Variants in TMED2 observed in about 807,000 individuals in gnomAD.
The protein encoded by TMED2 is transmembrane emp24 domain-containing protein 2.
Under a neutral mutation model 17.5 loss-of-function variants are expected in TMED2, and 3 were observed. The ratio of observed to expected loss-of-function variants is 0.17; its 90% confidence interval spans 0.08 to 0.44. TMED2 has a LOEUF of 0.44. Ranked by LOEUF, TMED2 falls within the 20% of genes least tolerant of loss-of-function variation. The pLI is 0.99. For synonymous variants in TMED2, 95 were observed against 91.0 expected, an observed-to-expected ratio of 1.04 and a Z score of -0.25; for missense variants, 149 against 254.8, an observed-to-expected ratio of 0.58 and a Z score of 2.83.
At position 123,596,608 on chromosome 12, in the gene TMED2, A is replaced by G. The variant is rs768053722; in HGVS notation, c.485A>G (p.Asn162Ser). ...EVRERIHRAI[N>S]DNTNSRVVLW... ...TTGTTTGTTTTGTCCTCAACAGTCA[A>G]CGACAACACAAACAGCAGAGTGGTC... Residue 162 changes from asparagine (N) to serine (S), a missense_variant, in exon 4 of 4, where the codon AAC becomes AGC. Transcript: ENST00000262225. The G allele has an allele frequency of 2.5e-6, 4 of 1,601,756 alleles. No homozygotes were observed. Among genetic ancestry groups the G allele is most frequent in the South Asian group, 2.3e-5 (2 of 88,242 alleles).
chr12:123,593,822 G>A (rs1257842783), intron 3 of TMED2, among the ~76,000 whole-genome samples: 2 of 151,996 alleles, frequency 1.3e-5, no homozygotes, highest in Non-Finnish European at 2.9e-5. Flanking sequence ...GAGACACAGG[G>A]TCTTACTCTG....
intron 1 of TMED2, chr12:123,585,559 CA>C (rs1185605837): frequency 6.6e-6 from 1 of 152,178 alleles, no homozygotes; most frequent in Non-Finnish European, 1.5e-5. Context: ...CACCTGCTAG[CA>C]TGATTAATTG....
chr12:123,590,943 A>G (rs1953387844), intron 3 of TMED2, among the ~76,000 whole-genome samples: 1 of 151,602 alleles, frequency 6.6e-6, no homozygotes, highest in South Asian at 2.1e-4. Flanking sequence ...AGATTGGGCC[A>G]CTGCACTCCA....
chr12:123,592,981 G>A (rs945408093), intron 3 of TMED2, among the ~76,000 whole-genome samples: 1 of 151,998 alleles, frequency 6.6e-6, no homozygotes, highest in Admixed American at 6.6e-5. Flanking sequence ...TGAGGCAGGC[G>A]AATAACGAGG....
At chr12:123,590,959 GGCAATGGA>G (rs1953388026) in intron 3 of TMED2, among the ~76,000 whole-genome samples, 1 of 151,704 alleles carries the variant, frequency 6.6e-6, no homozygotes, top group African/African-American at 2.4e-5. Flanking sequence ...CTCCAGCCTG[GGCAATGGA>G]GCTAGACTCT....
At chr12:123,588,855 A>G (rs1340414373) in intron 2 of TMED2, among the ~76,000 whole-genome samples, 1 of 152,188 alleles carries the variant, frequency 6.6e-6, no homozygotes, top group Admixed American at 6.5e-5. Context: ...ACCCTGCTCT[A>G]TCAGTTCCAT....
intron 3 of TMED2, 69 bp from the exon 4 acceptor site, chr12:123,596,536 T>G: frequency 6.5e-7 from 1 of 1,537,376 alleles, no homozygotes; most frequent in Admixed American, 2.1e-5. Context: ...AAGACTAAAA[T>G]ATTTATGATG....
intron 3 of TMED2, among the ~76,000 whole-genome samples, chr12:123,592,769 A>G (rs182733504): frequency 2.0e-5 from 3 of 152,332 alleles, no homozygotes. Flanking sequence ...AGGTCACTAC[A>G]TTCTGATGTT....
chr12:123,586,709 C>T, intron 1 of TMED2, 38 bp from the exon 2 acceptor site: 1 of 1,546,414 alleles, frequency 6.5e-7, no homozygotes, highest in Non-Finnish European at 8.7e-7. Context: ...ATGACTTAAT[C>T]TTTTGTGACA....
chr12:123,590,872 T>G (rs1953387466), intron 3 of TMED2, among the ~76,000 whole-genome samples: 1 of 151,492 alleles, frequency 6.6e-6, no homozygotes, highest in Non-Finnish European at 1.5e-5. Context: ...TAGTCCCAGC[T>G]ACTCGGGAGG....
rs150846771 is a variant in TMED2, at chr12:123,595,462, C to T, written c.482-1143C>T. On this transcript the variant is annotated intron_variant, in intron 3 of 3. Transcript: ENST00000262225. ...AACAATTGACAAGTACACAGGTGCT[C>T]AACAAATATTTGTAACATATTTGGG... is the stretch of plus-strand genomic sequence containing the variant. 1.8e-3 allele frequency among the ~76,000 whole-genome samples: 271 copies of T among 152,180 alleles called. 1 individual carries two copies. Among genetic ancestry groups the T allele is most frequent in the African/African-American group, 6.3e-3 (263 of 41,510 alleles).
chr12:123,589,988 A>G (rs1370993237), intron 2 of TMED2, among the ~76,000 whole-genome samples: 1 of 151,504 alleles, frequency 6.6e-6, no homozygotes, highest in African/African-American at 2.4e-5. Context: ...CTGTCTTGAA[A>G]AAAAAAAAAG....
intron 2 of TMED2, among the ~76,000 whole-genome samples, chr12:123,589,574 T>G (rs1953376716): frequency 6.6e-6 from 1 of 152,138 alleles, no homozygotes; most frequent in East Asian, 1.9e-4. Context: ...GTAAGCATTA[T>G]ATAGTATGTT....
rs369773348 is a variant in TMED2 at position 123,589,819 on chromosome 12, G to A, written c.374-523G>A. On this transcript the variant is annotated intron_variant, in intron 2 of 3. Transcript: ENST00000262225. ...ATTGCCCCAGCCTAGGCAACATAGC[G>A]AGACCCCGTCTCTAAAAAATAAAAA... Among the ~76,000 whole-genome samples the A allele has an allele frequency of 4.6e-5, 7 of 151,814 alleles. No homozygotes were observed. In the East Asian group the frequency reaches 5.8e-4, roughly 13 times the overall value.
At chr12:123,590,584 C>G in intron 3 of TMED2, 135 bp downstream of exon 3, 1 of 591,072 alleles carries the variant, frequency 1.7e-6, no homozygotes, top group South Asian at 2.1e-5. Flanking sequence ...TGTACCTACA[C>G]GAGATATTTT....
In TMED2 at chr12:123,596,609, C is replaced by T. The variant is rs549011998; in HGVS notation, c.486C>T (p.Asn162=). ...EVRERIHRAI[N]DNTNSRVVLW... ...TGTTTGTTTTGTCCTCAACAGTCAA[C>T]GACAACACAAACAGCAGAGTGGTCC... is the stretch of plus-strand genomic sequence containing the variant. Residue 162 remains asparagine, a synonymous_variant, in exon 4 of 4, where the codon AAC becomes AAT. Coordinates refer to ENST00000262225, the MANE Select transcript of TMED2 (RefSeq NM_006815.4). The T allele has an allele frequency of 7.5e-6, 12 of 1,601,866 alleles. No individual in the cohort carries two copies. The highest frequency in any genetic ancestry group is 2.2e-5 in the East Asian group (1 of 44,484).
At chr12:123,592,846 G>A (rs1286858611) in intron 3 of TMED2, among the ~76,000 whole-genome samples, 1 of 152,172 alleles carries the variant, frequency 6.6e-6, no homozygotes, top group East Asian at 1.9e-4. Flanking sequence ...GAGGCAGGTG[G>A]ATCACCTGAG....
At chr12:123,586,682 C>A in intron 1 of TMED2, 65 bp from the exon 2 acceptor site, 1 of 1,459,740 alleles carries the variant, frequency 6.9e-7, no homozygotes, top group Non-Finnish European at 9.2e-7. Flanking sequence ...TGCCATTAGA[C>A]ATTACTTATA....
At chr12:123,591,428 T>C (rs905714471) in intron 3 of TMED2, among the ~76,000 whole-genome samples, 1 of 152,162 alleles carries the variant, frequency 6.6e-6, no homozygotes, top group African/African-American at 2.4e-5. Flanking sequence ...TTCCATTGAT[T>C]AGGTTCAGGG....
Sources: gnomAD v4.1 joint callset for allele counts (sites outside exome capture counted in the v4.1 genomes callset) on GRCh38, gnomAD v4.1.1 for gene constraint, MANE v1.5 for transcripts, NCBI Gene and HGNC (gene_info 2026-07-23, HGNC 2026-07-21) for gene names.